Variants in PLB1 observed in about 807,000 individuals in gnomAD.
PLB1 encodes phospholipase B1, membrane-associated.
PLB1 carries 242 observed loss-of-function variants against 227.4 expected under a neutral mutation model. That is an observed-to-expected ratio of 1.06 (90% CI 0.96 to 1.18). The LOEUF (loss-of-function observed/expected upper bound fraction) is 1.18. PLB1 is among the 50% of genes most tolerant of loss of function. The pLI, the probability that PLB1 is intolerant of heterozygous loss-of-function variation, is 0.00. For missense variants in PLB1, 1,858 were observed against 1,816.3 expected (o/e 1.02, Z -0.42); for synonymous variants, 757 against 682.2 (o/e 1.11, Z -1.71).
intron 2 of PLB1, among the ~76,000 whole-genome samples, chr2:28,518,253 C>A (rs1390751149): frequency 6.6e-6 from 1 of 152,136 alleles, no homozygotes; most frequent in African/African-American, 2.4e-5. Flanking sequence ...GGCATTCTTG[C>A]CACCTGTTAA....
rs147385752 is a variant in PLB1, at chr2:28,515,602, G to T, written c.56-1206G>T. Among the ~76,000 whole-genome samples the T allele has an allele frequency of 7.7e-3, 1,167 of 152,294 alleles. 15 individuals carry two copies. Among genetic ancestry groups the T allele is most frequent in the African/African-American group, 0.027 (1,115 of 41,560 alleles). ...GGGCATAAAATGGACATATACTGTT[G>T]TTCTTCATGAAACTCTAATAAATTA... is the stretch of plus-strand genomic sequence containing the variant. On this transcript the variant is annotated intron_variant, in intron 1 of 57. Coordinates refer to ENST00000327757, the MANE Select transcript of PLB1 (RefSeq NM_153021.5).
chr2:28,499,642 T>C (rs1265396995), intron 1 of PLB1, among the ~76,000 whole-genome samples: 2 of 152,066 alleles, frequency 1.3e-5, no homozygotes, highest in Non-Finnish European at 2.9e-5. Flanking sequence ...TCCTAGCACT[T>C]TGGGAGGCCG....
In PLB1 at chr2:28,541,755, T is replaced by G. The variant is rs1202268421; in HGVS notation, c.823T>G (p.Ser275Ala). The G allele has an allele frequency of 1.9e-6, 3 of 1,613,572 alleles. No individual in the cohort carries two copies. Among genetic ancestry groups the G allele is most frequent in the Non-Finnish European group, 2.5e-6 (3 of 1,179,932 alleles). Residue 275 changes from serine (S) to alanine (A), a missense_variant, in exon 13 of 58, where the codon TCC (serine) becomes GCC (alanine). Ser to Ala is a moderately conservative substitution (Grantham distance 99). Transcript: ENST00000327757. ...LASSRYSEQE[S>A]FTVVFQPFFY... Reference sequence around the variant, plus strand: ...CTCCAGCAGGTACAGTGAGCAGGAGTCCTTCACCGTGGTTTTCCAGCCTTT... The same window carrying G: ...CTCCAGCAGGTACAGTGAGCAGGAGGCCTTCACCGTGGTTTTCCAGCCTTT...
intron 53 of PLB1, among the ~76,000 whole-genome samples, chr2:28,629,983 TTTTTGCAGGGAACCCTGCTC>T (rs1400984413): frequency 4.6e-5 from 7 of 152,140 alleles, no homozygotes; most frequent in Non-Finnish European, 7.4e-5. Context: ...CTGGTTCCCA[TTTTTGCAGGGAACCCTGCTC>T]TCTCGCAGGG....
At chr2:28,498,226 A>G (rs987000424) in intron 1 of PLB1, among the ~76,000 whole-genome samples, 18 of 151,346 alleles carry the variant, frequency 1.2e-4, no homozygotes, top group South Asian at 6.3e-4. Flanking sequence ...CAATGTTGTT[A>G]TTATTATTTC....
intron 4 of PLB1, among the ~76,000 whole-genome samples, chr2:28,523,026 T>G (rs528334738): frequency 6.6e-6 from 1 of 152,318 alleles, no homozygotes; most frequent in East Asian, 1.9e-4. Flanking sequence ...CGCACTTCTT[T>G]GGAACTACAA....
chr2:28,512,874 G>A (rs577762207), intron 1 of PLB1, among the ~76,000 whole-genome samples: 26 of 152,158 alleles, frequency 1.7e-4, no homozygotes, highest in African/African-American at 6.3e-4. Flanking sequence ...GTCTCTCTTG[G>A]TTTTAGATTT....
chr2:28,564,704 C>G (rs1485701783), intron 18 of PLB1, among the ~76,000 whole-genome samples: 2 of 152,138 alleles, frequency 1.3e-5, no homozygotes, highest in African/African-American at 4.8e-5. Context: ...TGGAGGCCAG[C>G]CTTCACCCCC....
intron 14 of PLB1, 114 bp downstream of exon 14, chr2:28,543,382 G>C (rs530751895): frequency 1.5e-5 from 17 of 1,130,742 alleles, no homozygotes; most frequent in African/African-American, 1.1e-4. Context: ...CCAGGACAAT[G>C]GTTCTGGGCC....
intron 9 of PLB1, among the ~76,000 whole-genome samples, chr2:28,535,284 C>T (rs1026750280): frequency 6.6e-6 from 1 of 152,240 alleles, no homozygotes; most frequent in African/African-American, 2.4e-5. Context: ...CTCAAATTCC[C>T]TCTTTATTCT....
At chr2:28,627,538 A>G (rs1251084875) in intron 51 of PLB1, among the ~76,000 whole-genome samples, 8 of 152,232 alleles carry the variant, frequency 5.3e-5, no homozygotes, top group Non-Finnish European at 1.2e-4. Flanking sequence ...GGGGAAAGGC[A>G]GAAACTCTGG....
chr2:28,556,673 G>A (rs1040120818), intron 17 of PLB1, among the ~76,000 whole-genome samples: 1 of 152,182 alleles, frequency 6.6e-6, no homozygotes, highest in Non-Finnish European at 1.5e-5. Flanking sequence ...ATAAAAGAGT[G>A]ACAATGAGGA....
At chr2:28,533,972 G>A (rs1006774024) in intron 9 of PLB1, among the ~76,000 whole-genome samples, 3 of 152,070 alleles carry the variant, frequency 2.0e-5, no homozygotes, top group African/African-American at 7.2e-5. Context: ...TATCCTTTTG[G>A]CCACCTCCCT....
rs547205702 is a variant in PLB1 at position 28,601,054 on chromosome 2, A to G, written c.2526+194A>G. On this transcript the variant is annotated intron_variant, in intron 36 of 57. Transcript: ENST00000327757. ...TGGAGAGAGCTTTGTTGCTGGGTAC[A>G]GCGACACTGAAAATCCCTCCTGATG... is the stretch of plus-strand genomic sequence containing the variant. Among the ~76,000 whole-genome samples, 8 of 138,498 alleles carry G rather than the reference A, an allele frequency of 5.8e-5. 1 individual carries two copies. The South Asian group carries it at 1.7e-3, about 29-fold the overall frequency. The allele number at this position is 138,498 out of a possible 152,430, so 90.9% of individuals were successfully genotyped here. A position where few individuals can be genotyped will look rare whatever the true frequency, so the allele number is the denominator to read the frequency against.
chr2:28,628,564 A>C lies in PLB1; in HGVS notation c.3662A>C (p.Glu1221Ala), dbSNP rs141953288. The change falls in exon 52 of 58, where the codon GAG becomes GCG. Residue 1221 changes from glutamate (E) to alanine (A), a missense_variant and splice_region_variant. By Grantham distance (107) the Glu-to-Ala change is moderately radical (BLOSUM62 -1). Coordinates refer to ENST00000327757, the MANE Select transcript of PLB1 (RefSeq NM_153021.5). ...NDLCHYCENP[E>A]AHLATEYVQH... is the part of the protein sequence containing the mutation. Reference sequence around the variant, plus strand: ...GAGAGTACCCTTTTTTCCTTACAGGAGGCCCACTTGGCCACGGAATATGTT... The same window carrying C: ...GAGAGTACCCTTTTTTCCTTACAGGCGGCCCACTTGGCCACGGAATATGTT... 100 of 1,613,878 alleles carry C rather than the reference A, an allele frequency of 6.2e-5. No individual in the cohort carries two copies. In the African/African-American group the frequency reaches 1.3e-3, roughly 20 times the overall value.
intron 43 of PLB1, among the ~76,000 whole-genome samples, chr2:28,612,235 C>T (rs147362953): frequency 0.012 from 1,831 of 152,334 alleles, 18 homozygotes; most frequent in South Asian, 0.041. Flanking sequence ...TCGGGTGCCT[C>T]AGGGAACCAG....
chr2:28,595,387 A>G (rs1430629721), intron 33 of PLB1: 2 of 152,216 alleles, frequency 1.3e-5, no homozygotes, highest in Non-Finnish European at 2.9e-5. Context: ...GACACTTGGT[A>G]GAATACATAG....
intron 56 of PLB1, among the ~76,000 whole-genome samples, chr2:28,635,345 G>A (rs984006449): frequency 6.6e-6 from 1 of 152,134 alleles, no homozygotes; most frequent in Non-Finnish European, 1.5e-5. Context: ...CATTAGAGCT[G>A]GAACAGACTG....
rs1490951300 is a variant in PLB1, at chr2:28,643,122, C to CCAGCCA, written c.*63_*68dup. ...GCCACTCTCTTCACCGCCCTCTGCC[C>CCAGCCA]CAGCCACTCCCGGCCACCAGGACAT... On this transcript the variant is annotated 3_prime_UTR_variant, in exon 58 of 58. Coordinates refer to ENST00000327757, the MANE Select transcript of PLB1 (RefSeq NM_153021.5). 7.0e-7 allele frequency: 1 copy of CCAGCCA among 1,430,448 alleles called. No homozygotes were observed. Among genetic ancestry groups the CCAGCCA allele is most frequent in the Non-Finnish European group, 9.3e-7 (1 of 1,070,230 alleles). 88.6% of individuals were successfully genotyped at this position (1,430,448 alleles called of 1,614,324 possible). A position where few individuals can be genotyped will look rare whatever the true frequency, so the allele number is the denominator to read the frequency against.
Sources: allele counts gnomAD v4.1 joint callset (sites outside exome capture counted in the v4.1 genomes callset), GRCh38; gene constraint gnomAD v4.1.1; transcripts MANE v1.5; gene names NCBI Gene and HGNC (gene_info 2026-07-23, HGNC 2026-07-21).